SBF2: variants seen among roughly 807,000 people sequenced by gnomAD.
SBF2 encodes the protein myotubularin-related protein 13.
A neutral mutation model predicts 225.2 loss-of-function variants in SBF2; 112 were observed. The observed-to-expected ratio is 0.50, with a 90% confidence interval of 0.43 to 0.58. The LOEUF (loss-of-function observed/expected upper bound fraction) is 0.58. Ranked by LOEUF, SBF2 falls within the 20% of genes least tolerant of loss-of-function variation. The pLI is 0.00. For missense variants in SBF2, 1,996 were observed against 2,206.2 expected, an observed-to-expected ratio of 0.90 and a Z score of 1.91; for synonymous variants, 763 against 773.3, an observed-to-expected ratio of 0.99 and a Z score of 0.22.
chr11:9,947,300 C>T (rs965443198), intron 16 of SBF2, among the ~76,000 whole-genome samples: 4 of 152,058 alleles, frequency 2.6e-5, no homozygotes, highest in African/African-American at 4.8e-5. Context: ...ATTCCTATCA[C>T]GAGTTTCAGG....
At chr11:9,784,111 C>T (rs755630493) in intron 38 of SBF2, among the ~76,000 whole-genome samples, 6 of 152,132 alleles carry the variant, frequency 3.9e-5, no homozygotes, top group Non-Finnish European at 8.8e-5. Flanking sequence ...GCTCTGGGCT[C>T]AATTGTTGCT....
intron 2 of SBF2, among the ~76,000 whole-genome samples, chr11:10,117,741 G>C (rs565750245): frequency 7.3e-5 from 11 of 150,932 alleles, no homozygotes; most frequent in African/African-American, 2.7e-4. Flanking sequence ...AGCCTTAAGA[G>C]TCTCTCTTGG....
chr11:9,811,820 TAACA>T (rs1396351934), intron 30 of SBF2, among the ~76,000 whole-genome samples: 1 of 151,594 alleles, frequency 6.6e-6, no homozygotes, highest in Non-Finnish European at 1.5e-5. Context: ...TGCAAGGTGA[TAACA>T]AATAATGGGG....
rs369609210 is a variant in SBF2, at chr11:10,108,806, G to A, written c.142-65825C>T. Among the ~76,000 whole-genome samples, 6 of 152,136 alleles carry A rather than the reference G, an allele frequency of 3.9e-5. 1 individual carries two copies. The highest frequency in any genetic ancestry group is 1.9e-4 in the East Asian group (1 of 5,168). On this transcript the variant is annotated intron_variant, in intron 2 of 39. Coordinates refer to ENST00000256190, the MANE Select transcript of SBF2 (RefSeq NM_030962.4). ...CCCAAAGTGCTGGGATTACAGGCGT[G>A]AGCCACCGCGCCCGGCCAATAGTTA... is the stretch of plus-strand genomic sequence containing the variant.
intron 21 of SBF2, among the ~76,000 whole-genome samples, chr11:9,850,738 A>C (rs1203066429): frequency 6.6e-6 from 1 of 152,234 alleles, no homozygotes; most frequent in African/African-American, 2.4e-5. Context: ...AATTGTGTAA[A>C]AGTAAAGTCA....
chr11:10,100,709 G>C (rs1233916911), intron 2 of SBF2, among the ~76,000 whole-genome samples: 1 of 152,046 alleles, frequency 6.6e-6, no homozygotes, highest in African/African-American at 2.4e-5. Context: ...GATCCTTCAG[G>C]GGTGTTGGTT....
intron 16 of SBF2, among the ~76,000 whole-genome samples, chr11:9,953,059 C>T (rs1865951419): frequency 6.6e-6 from 1 of 152,192 alleles, no homozygotes; most frequent in South Asian, 2.1e-4. Flanking sequence ...CAAAAAGATT[C>T]CTGCACATGA....
intron 11 of SBF2, among the ~76,000 whole-genome samples, 173 bp from the exon 12 acceptor site, chr11:9,992,716 TGAAAA>T (rs1225259306): frequency 6.6e-6 from 1 of 152,088 alleles, no homozygotes; most frequent in Non-Finnish European, 1.5e-5. Context: ...CTACATATAT[TGAAAA>T]GAATAAAAAT....
chr11:10,150,215 G>T (rs1314212064), intron 2 of SBF2, among the ~76,000 whole-genome samples: 1 of 152,044 alleles, frequency 6.6e-6, no homozygotes, highest in Non-Finnish European at 1.5e-5. Context: ...CTAAATAAAT[G>T]AAGTCCATAG....
chr11:10,004,649 T>C (rs1590733397), intron 6 of SBF2, among the ~76,000 whole-genome samples: 1 of 150,602 alleles, frequency 6.6e-6, no homozygotes, highest in East Asian at 1.9e-4. Context: ...GGAAATTCCT[T>C]GTGGACAAAG....
intron 2 of SBF2, among the ~76,000 whole-genome samples, chr11:10,123,784 T>C (rs16907483): frequency 0.075 from 11,451 of 152,220 alleles, 616 homozygotes; most frequent in East Asian, 0.28. Context: ...CATGTAATAA[T>C]AGCTTTTTAA....
intron 17 of SBF2, among the ~76,000 whole-genome samples, chr11:9,862,127 CT>C (rs1269990374): frequency 6.6e-6 from 1 of 152,302 alleles, no homozygotes; most frequent in East Asian, 1.9e-4. Context: ...ATAAAATGAT[CT>C]CCTGATATGT....
chr11:10,258,537 A>G (rs973595197), intron 1 of SBF2, among the ~76,000 whole-genome samples: 3 of 150,246 alleles, frequency 2.0e-5, no homozygotes, highest in African/African-American at 4.9e-5. Flanking sequence ...CTTATCTAGT[A>G]AAAAAAAAAT....
chr11:9,855,871 G>A (rs895024434), intron 19 of SBF2, among the ~76,000 whole-genome samples: 1 of 152,220 alleles, frequency 6.6e-6, no homozygotes, highest in Non-Finnish European at 1.5e-5. Context: ...CAGTACAAAG[G>A]ATGTGAGGCA....
intron 2 of SBF2, among the ~76,000 whole-genome samples, chr11:10,151,212 A>C (rs1315406464): frequency 1.3e-5 from 2 of 152,210 alleles, no homozygotes; most frequent in African/African-American, 2.4e-5. Flanking sequence ...AATATCCAGT[A>C]ATCTAGTTCT....
At chr11:9,931,003 A>G (rs1864455770) in intron 16 of SBF2, among the ~76,000 whole-genome samples, 1 of 152,276 alleles carries the variant, frequency 6.6e-6, no homozygotes, top group Non-Finnish European at 1.5e-5. Context: ...ACTGCAAGCT[A>G]GCACAGCAGT....
At chr11:10,239,950 T>C (rs1959185737) in intron 1 of SBF2, among the ~76,000 whole-genome samples, 1 of 152,184 alleles carries the variant, frequency 6.6e-6, no homozygotes, top group Admixed American at 6.5e-5. Context: ...CAAACAGCAC[T>C]AGCCAAAAGA....
intron 16 of SBF2, among the ~76,000 whole-genome samples, chr11:9,926,567 T>C (rs530579891): frequency 9.2e-5 from 14 of 152,228 alleles, no homozygotes; most frequent in African/African-American, 3.4e-4. Flanking sequence ...TGATAGAAGT[T>C]AGAAAGCATT....
chr11:10,083,356 A>AT (rs1345016351), intron 2 of SBF2, among the ~76,000 whole-genome samples: 2 of 152,146 alleles, frequency 1.3e-5, no homozygotes, highest in African/African-American at 2.4e-5. Context: ...TACGAACATC[A>AT]TTTTTTCACA....
Sources: allele counts gnomAD v4.1 joint callset (sites outside exome capture counted in the v4.1 genomes callset), GRCh38; gene constraint gnomAD v4.1.1; transcripts MANE v1.5; gene names NCBI Gene and HGNC (gene_info 2026-07-23, HGNC 2026-07-21).